SNTG1: variants seen among roughly 807,000 people sequenced by gnomAD.
The protein encoded by SNTG1 is syntrophin gamma 1, also known as gamma-1-syntrophin.
Under a neutral mutation model 74.7 loss-of-function variants are expected in SNTG1, and 39 were observed. The observed-to-expected ratio is 0.52, with a 90% CI of 0.40 to 0.68. The LOEUF (loss-of-function observed/expected upper bound fraction) is 0.68. Ranked by LOEUF, SNTG1 falls within the 30% of genes least tolerant of loss-of-function variation. SNTG1 has a pLI of 0.00. For missense variants in SNTG1, 685 were observed against 609.5 expected (o/e 1.12, Z -1.30); for synonymous variants, 254 against 217.1 (o/e 1.17, Z -1.49).
chr8:49,962,606 A>G (rs1054634572), intron 1 of SNTG1, among the ~76,000 whole-genome samples: 3 of 151,858 alleles, frequency 2.0e-5, no homozygotes, highest in Admixed American at 2.0e-4. Flanking sequence ...TCTCGTTGGG[A>G]TGCAATGAGA....
intron 3 of SNTG1, among the ~76,000 whole-genome samples, chr8:50,395,744 C>T (rs921767347): frequency 1.1e-4 from 16 of 152,192 alleles, no homozygotes; most frequent in African/African-American, 3.4e-4. Context: ...ATCTCCTGAC[C>T]TCGTGATCCA....
intron 1 of SNTG1, among the ~76,000 whole-genome samples, chr8:50,050,259 A>G (rs1015651396): frequency 1.3e-5 from 2 of 151,916 alleles, no homozygotes; most frequent in Non-Finnish European, 2.9e-5. Context: ...CAGAAATGAA[A>G]GAGAGGCCAT....
At chr8:50,461,062 A>C (rs910011892) in intron 8 of SNTG1, among the ~76,000 whole-genome samples, 14 of 151,402 alleles carry the variant, frequency 9.2e-5, no homozygotes, top group Non-Finnish European at 4.4e-5. Context: ...ATGTCTCTTC[A>C]GGGTCCTTGC....
At chr8:49,946,062 T>C (rs2129383753) in intron 1 of SNTG1, among the ~76,000 whole-genome samples, 1 of 152,312 alleles carries the variant, frequency 6.6e-6, no homozygotes, top group Non-Finnish European at 1.5e-5. Context: ...CCCCTATTTT[T>C]TGCCAATGAC....
At position 50,402,302 on chromosome 8, in the gene SNTG1, A is replaced by G; in HGVS notation, c.120A>G (p.Glu40=). 5 of 1,613,614 alleles carry G rather than the reference A, an allele frequency of 3.1e-6. No individual in the cohort carries two copies. The highest frequency in any genetic ancestry group is 1.1e-5 in the South Asian group (1 of 90,938). The change falls in exon 4 of 19, where the codon GAA becomes GAG. Residue 40 remains glutamate, a synonymous_variant. Coordinates refer to ENST00000642720, the MANE Select transcript of SNTG1 (RefSeq NM_018967.5). ...CCAAAGACATTTTGATGATCCAGGA[A>G]CAGGATGTGATATGTGTGTCTGGTG... ...HLAKDILMIQ[E]QDVICVSGEP... is the part of the protein sequence containing the mutation.
chr8:50,066,327 A>C (rs1363052494), intron 1 of SNTG1, among the ~76,000 whole-genome samples: 2 of 152,166 alleles, frequency 1.3e-5, no homozygotes, highest in Non-Finnish European at 2.9e-5. Context: ...TATACATTTA[A>C]GATGTACTGT....
In SNTG1 at chr8:50,642,720, G is replaced by T. The variant is rs558897327; in HGVS notation, c.850-14189G>T. Among the ~76,000 whole-genome samples the T allele has an allele frequency of 2.0e-5, 3 of 152,082 alleles. No homozygotes were observed. In the South Asian group the frequency reaches 6.2e-4, roughly 32 times the overall value. Reference sequence around the variant, plus strand: ...TAGGGCAATCGCAGCTACAATTTCAGCCCTTCCCAGTATTTTCTGTCTTCT... The same window carrying T: ...TAGGGCAATCGCAGCTACAATTTCATCCCTTCCCAGTATTTTCTGTCTTCT... On this transcript the variant is annotated intron_variant, in intron 13 of 18. Transcript: ENST00000642720.
chr8:50,034,480 CTTTG>C (rs898654198), intron 1 of SNTG1, among the ~76,000 whole-genome samples: 3 of 151,692 alleles, frequency 2.0e-5, no homozygotes, highest in African/African-American at 7.3e-5. Context: ...AAGCTAATTC[CTTTG>C]TTTGAAATTC....
At chr8:50,070,376 G>A (rs1396412747) in intron 1 of SNTG1, among the ~76,000 whole-genome samples, 1 of 152,142 alleles carries the variant, frequency 6.6e-6, no homozygotes, top group African/African-American at 2.4e-5. Context: ...TTTGGAAAAT[G>A]TAGTGAAAAC....
At chr8:50,606,569 T>C (rs1009264850) in intron 13 of SNTG1, among the ~76,000 whole-genome samples, 1 of 152,122 alleles carries the variant, frequency 6.6e-6, no homozygotes, top group South Asian at 2.1e-4. Flanking sequence ...ATACATTTTA[T>C]TTCTTTTTAA....
intron 13 of SNTG1, among the ~76,000 whole-genome samples, chr8:50,606,252 T>C (rs1409462851): frequency 1.3e-5 from 2 of 152,146 alleles, no homozygotes; most frequent in African/African-American, 2.4e-5. Context: ...TTTAGGAAAG[T>C]TGACATATTA....
At chr8:50,354,482 C>T (rs761518283) in intron 2 of SNTG1, among the ~76,000 whole-genome samples, 6 of 151,968 alleles carry the variant, frequency 3.9e-5, no homozygotes, top group African/African-American at 7.3e-5. Flanking sequence ...TTGAATCTTG[C>T]GTGTAGTAGT....
At chr8:50,575,856 T>C (rs2094573975) in intron 12 of SNTG1, 1 of 152,234 alleles carries the variant, frequency 6.6e-6, no homozygotes, top group East Asian at 1.9e-4. Context: ...TTCATTCATA[T>C]CTTCTTCCAG....
At chr8:50,006,190 T>C (rs1173623959) in intron 1 of SNTG1, among the ~76,000 whole-genome samples, 1 of 152,036 alleles carries the variant, frequency 6.6e-6, no homozygotes, top group East Asian at 1.9e-4. Context: ...CTCAATCTCC[T>C]GACCTTGTGA....
At chr8:50,067,932 A>AT (rs1179487669) in intron 1 of SNTG1, among the ~76,000 whole-genome samples, 3 of 152,034 alleles carry the variant, frequency 2.0e-5, no homozygotes, top group Non-Finnish European at 4.4e-5. Context: ...GCAAATTCAG[A>AT]TTTTTTTCTT....
chr8:50,184,918 A>C (rs1370961121), intron 2 of SNTG1, among the ~76,000 whole-genome samples: 1 of 152,192 alleles, frequency 6.6e-6, no homozygotes, highest in Admixed American at 6.5e-5. Flanking sequence ...GAAGATTCTC[A>C]ATATTTTTAT....
chr8:50,518,291 G>A (rs2094150873), intron 9 of SNTG1, among the ~76,000 whole-genome samples: 1 of 152,084 alleles, frequency 6.6e-6, no homozygotes, highest in East Asian at 1.9e-4. Context: ...AGAATGTCTG[G>A]GACACAGCTA....
intron 1 of SNTG1, among the ~76,000 whole-genome samples, chr8:50,062,550 TCA>T (rs1820566445): frequency 6.6e-6 from 1 of 152,214 alleles, no homozygotes; most frequent in Admixed American, 6.5e-5. Context: ...ATTTTTTCTA[TCA>T]CTAATGCTGC....
At chr8:50,487,928 T>C (rs1039389332) in intron 8 of SNTG1, among the ~76,000 whole-genome samples, 4 of 152,204 alleles carry the variant, frequency 2.6e-5, no homozygotes, top group Non-Finnish European at 5.9e-5. Context: ...TTACCTCATA[T>C]GGTGTTTTGA....
Sources: allele counts gnomAD v4.1 joint callset (sites outside exome capture counted in the v4.1 genomes callset), GRCh38; gene constraint gnomAD v4.1.1; transcripts MANE v1.5; gene names NCBI Gene and HGNC (gene_info 2026-07-23, HGNC 2026-07-21).